Variants in COMMD10 observed in about 807,000 individuals in gnomAD.
COMMD10 encodes the protein COMM domain containing 10.
In COMMD10, 33 loss-of-function variants were observed where a neutral mutation model predicts 28.9. The ratio of observed to expected loss-of-function variants is 1.14; its 90% CI spans 0.87 to 1.53. The LOEUF (loss-of-function observed/expected upper bound fraction) is 1.53. Ranked by LOEUF, COMMD10 falls within the 40% of genes most tolerant of loss-of-function variation. The pLI is 0.00. For missense variants in COMMD10, 310 were observed against 233.4 expected, an observed-to-expected ratio of 1.33 and a Z score of -2.14; for synonymous variants, 110 against 81.7, an observed-to-expected ratio of 1.35 and a Z score of -1.87.
At chr5:116,097,985 A>G (rs1428871396) in intron 4 of COMMD10, among the ~76,000 whole-genome samples, 2 of 152,202 alleles carry the variant, frequency 1.3e-5, no homozygotes, top group Non-Finnish European at 2.9e-5. Context: ...ACAATTGCAC[A>G]TGAGATTTGT....
intron 5 of COMMD10, among the ~76,000 whole-genome samples, chr5:116,226,538 G>T (rs1250499892): frequency 1.3e-5 from 2 of 149,996 alleles, no homozygotes; most frequent in Non-Finnish European, 3.0e-5. Context: ...TTTCACTGCT[G>T]CAGATATCTA....
chr5:116,194,242 C>T (rs1199752770), intron 5 of COMMD10, among the ~76,000 whole-genome samples: 1 of 151,844 alleles, frequency 6.6e-6, no homozygotes, highest in Non-Finnish European at 1.5e-5. Flanking sequence ...ACTGACATTC[C>T]AAGGTCACAC....
intron 4 of COMMD10, among the ~76,000 whole-genome samples, chr5:116,111,138 T>A (rs1181934499): frequency 1.3e-5 from 2 of 152,212 alleles, no homozygotes; most frequent in East Asian, 3.8e-4. Context: ...CCATTTTGAT[T>A]TCTTATTATA....
At chr5:116,128,891 C>T (rs890384690) in intron 4 of COMMD10, among the ~76,000 whole-genome samples, 3 of 151,778 alleles carry the variant, frequency 2.0e-5, no homozygotes, top group Middle Eastern at 3.4e-3. Context: ...GTGTAAGTGA[C>T]GTTGTGACTT....
intron 5 of COMMD10, among the ~76,000 whole-genome samples, chr5:116,196,338 A>T (rs977001688): frequency 6.6e-6 from 1 of 151,712 alleles, no homozygotes; most frequent in African/African-American, 2.4e-5. Flanking sequence ...GACTTCGAGG[A>T]CTTGGGGTGA....
intron 5 of COMMD10, among the ~76,000 whole-genome samples, chr5:116,182,001 A>G (rs1747982179): frequency 6.6e-6 from 1 of 152,104 alleles, no homozygotes; most frequent in Admixed American, 6.6e-5. Flanking sequence ...ACAGGTAAAC[A>G]GACAAATTAT....
intron 4 of COMMD10, among the ~76,000 whole-genome samples, chr5:116,103,687 G>C (rs1287011939): frequency 6.6e-6 from 1 of 152,072 alleles, no homozygotes; most frequent in Non-Finnish European, 1.5e-5. Context: ...TGTCCATTTT[G>C]GCTTTTGTTA....
intron 5 of COMMD10, among the ~76,000 whole-genome samples, chr5:116,280,012 C>T (rs1020188607): frequency 1.3e-5 from 2 of 151,786 alleles, no homozygotes; most frequent in South Asian, 4.1e-4. Context: ...AGTGCTATAG[C>T]GATCTGAAGT....
chr5:116,227,791 A>G (rs1419053304), intron 5 of COMMD10, among the ~76,000 whole-genome samples: 1 of 152,086 alleles, frequency 6.6e-6, no homozygotes, highest in Non-Finnish European at 1.5e-5. Context: ...CAGTGCCTTT[A>G]ATCATGAAAA....
At chr5:116,258,859 G>A (rs1196133385) in intron 5 of COMMD10, among the ~76,000 whole-genome samples, 2 of 151,420 alleles carry the variant, frequency 1.3e-5, no homozygotes, top group Non-Finnish European at 1.5e-5. Flanking sequence ...TCTACCTTTA[G>A]CTAAGGGAAA....
At chr5:116,244,499 A>T (rs1288403807) in intron 5 of COMMD10, among the ~76,000 whole-genome samples, 1 of 152,006 alleles carries the variant, frequency 6.6e-6, no homozygotes, top group Non-Finnish European at 1.5e-5. Flanking sequence ...AAATACAATG[A>T]TATATGTCAT....
intron 5 of COMMD10, among the ~76,000 whole-genome samples, chr5:116,243,303 C>A (rs1749860894): frequency 6.6e-6 from 1 of 152,096 alleles, no homozygotes; most frequent in Admixed American, 6.6e-5. Flanking sequence ...CATACATGTT[C>A]AGGGAAAGCC....
At chr5:116,281,459 T>G (rs1409619052) in intron 5 of COMMD10, among the ~76,000 whole-genome samples, 1 of 151,838 alleles carries the variant, frequency 6.6e-6, no homozygotes, top group Non-Finnish European at 1.5e-5. Context: ...TATTAATCTT[T>G]GCACTTTCAT....
At chr5:116,160,329 TTTG>T (rs1752875437) in intron 5 of COMMD10, among the ~76,000 whole-genome samples, 1 of 152,214 alleles carries the variant, frequency 6.6e-6, no homozygotes, top group African/African-American at 2.4e-5. Context: ...CTCAAATTCA[TTTG>T]TTAATGAATT....
At chr5:116,209,109 G>T (rs551977521) in intron 5 of COMMD10, among the ~76,000 whole-genome samples, 1 of 151,600 alleles carries the variant, frequency 6.6e-6, no homozygotes, top group African/African-American at 2.4e-5. Flanking sequence ...AAAGCGATAC[G>T]TTTAGATCAA....
chr5:116,092,186 A>G (rs1359575492), intron 3 of COMMD10, among the ~76,000 whole-genome samples: 1 of 152,194 alleles, frequency 6.6e-6, no homozygotes, highest in Non-Finnish European at 1.5e-5. Context: ...GGGAAACAAA[A>G]CTATTGTATA....
chr5:116,226,166 T>C (rs963024459), intron 5 of COMMD10, among the ~76,000 whole-genome samples: 1 of 152,124 alleles, frequency 6.6e-6, no homozygotes, highest in Admixed American at 6.6e-5. Flanking sequence ...ATTTGAAAGT[T>C]TGAAGTATCT....
intron 4 of COMMD10, among the ~76,000 whole-genome samples, chr5:116,129,406 T>TA (rs554830713): frequency 1.1e-4 from 15 of 142,826 alleles, no homozygotes; most frequent in Non-Finnish European, 2.0e-4. Flanking sequence ...CACTATATAC[T>TA]ATGTAATATA....
At chr5:116,093,426 G>T (rs530953787) in intron 4 of COMMD10, among the ~76,000 whole-genome samples, 1 of 152,214 alleles carries the variant, frequency 6.6e-6, no homozygotes, top group African/African-American at 2.4e-5. Flanking sequence ...AGGCTCCTCA[G>T]TGTGGAGTTG....
Sources: gnomAD v4.1 joint callset for allele counts (sites outside exome capture counted in the v4.1 genomes callset) on GRCh38, gnomAD v4.1.1 for gene constraint, MANE v1.5 for transcripts, NCBI Gene and HGNC (gene_info 2026-07-23, HGNC 2026-07-21) for gene names.